The following SCHIP1 variants were observed in gnomAD, a reference collection of about 807,000 sequenced individuals.
SCHIP1 encodes the protein schwannomin-interacting protein 1.
SCHIP1 carries 8 observed loss-of-function variants against 29.7 expected under a neutral mutation model. The observed-to-expected ratio is 0.27, with a 90% CI of 0.16 to 0.49. The LOEUF (loss-of-function observed/expected upper bound fraction) is 0.49. SCHIP1 is among the 20% of genes least tolerant of loss of function. The pLI, the probability that SCHIP1 is intolerant of heterozygous loss-of-function variation, is 0.99. For missense variants in SCHIP1, 193 were observed against 294.6 expected, an observed-to-expected ratio of 0.66 and a Z score of 2.52; for synonymous variants, 76 against 94.9, an observed-to-expected ratio of 0.80 and a Z score of 1.16.
At chr3:159,764,571 G>T in the SCHIP1 span, 1 of 1,604,720 alleles carries the variant, frequency 6.2e-7, no homozygotes, top group Admixed American at 1.7e-5. The surrounding 1 kb of genome is among the most constrained non-coding windows in gnomAD (Gnocchi z 6.1). Context: ...CATCGTCGCC[G>T]GGGGGCAGCC....
the SCHIP1 span, among the ~76,000 whole-genome samples, chr3:159,589,538 C>G: frequency 3.2e-3 from 490 of 152,222 alleles, 1 homozygote; most frequent in African/African-American, 0.011. Context: ...CTGTCTTGTG[C>G]CAGTTTTCAA....
the SCHIP1 span, among the ~76,000 whole-genome samples, chr3:159,731,494 G>A: frequency 1.3e-4 from 20 of 152,210 alleles, no homozygotes; most frequent in African/African-American, 4.1e-4. Context: ...AGGACTGTGC[G>A]TGTTTATCTG....
chr3:159,683,884 T>C, the SCHIP1 span, among the ~76,000 whole-genome samples: 77 of 152,264 alleles, frequency 5.1e-4, no homozygotes, highest in African/African-American at 1.9e-3. Flanking sequence ...GCCCCTTCCC[T>C]GTCTGCAAAG....
chr3:159,851,839 A>G (rs1469439736), intron 1 of SCHIP1, among the ~76,000 whole-genome samples: 1 of 152,208 alleles, frequency 6.6e-6, no homozygotes, highest in Non-Finnish European at 1.5e-5. Context: ...GAAGGAGAGT[A>G]AGACAAGGGA....
chr3:159,399,842 A>G, the SCHIP1 span, among the ~76,000 whole-genome samples: 13 of 152,012 alleles, frequency 8.6e-5, no homozygotes, highest in Admixed American at 3.3e-4. Context: ...ATGCCCAACT[A>G]ATTTTTTAAA....
chr3:159,507,005 A>G, the SCHIP1 span, among the ~76,000 whole-genome samples: 7 of 152,338 alleles, frequency 4.6e-5, no homozygotes, highest in East Asian at 1.4e-3. Flanking sequence ...TCTGTGAACA[A>G]AGTCATTGGT....
the SCHIP1 span, among the ~76,000 whole-genome samples, chr3:159,528,611 C>T: frequency 6.6e-6 from 1 of 152,168 alleles, no homozygotes; most frequent in Non-Finnish European, 1.5e-5. Context: ...TGAAATCTCC[C>T]CCTCAAAGTT....
the SCHIP1 span, among the ~76,000 whole-genome samples, chr3:159,815,674 G>T: frequency 5.3e-5 from 8 of 152,128 alleles, no homozygotes; most frequent in Admixed American, 5.2e-4. Context: ...CTCAAGTGCA[G>T]TGTGTTCAAA....
the SCHIP1 span, among the ~76,000 whole-genome samples, chr3:159,609,253 TA>T: frequency 2.5e-4 from 38 of 151,980 alleles, no homozygotes; most frequent in African/African-American, 8.4e-4. Flanking sequence ...ACTAGGTGGG[TA>T]GGGGGGAAGC....
chr3:159,846,877 A>AT (rs34818406), intron 1 of SCHIP1, among the ~76,000 whole-genome samples: 98 of 149,402 alleles, frequency 6.6e-4, no homozygotes, highest in Non-Finnish European at 1.1e-3. Flanking sequence ...ATTTATATGC[A>AT]TTTTTTTTTT....
At chr3:159,425,206 G>A in the SCHIP1 span, among the ~76,000 whole-genome samples, 1 of 152,070 alleles carries the variant, frequency 6.6e-6, no homozygotes, top group Non-Finnish European at 1.5e-5. Context: ...AACTTTAAAT[G>A]TAAATGGCCT....
chr3:159,658,138 C>A, the SCHIP1 span, among the ~76,000 whole-genome samples: 3 of 152,314 alleles, frequency 2.0e-5, no homozygotes, highest in Admixed American at 6.5e-5. Flanking sequence ...CGTGTGAATT[C>A]ATTTCATAAA....
the SCHIP1 span, among the ~76,000 whole-genome samples, chr3:159,805,808 C>CT: frequency 0.028 from 3,887 of 139,140 alleles, 64 homozygotes; most frequent in East Asian, 0.035. Context: ...AATTGTACTC[C>CT]TTTTTTTTTT....
At chr3:159,883,320 T>G (rs2109403835) in intron 2 of SCHIP1, among the ~76,000 whole-genome samples, 1 of 152,314 alleles carries the variant, frequency 6.6e-6, no homozygotes, top group South Asian at 2.1e-4. Flanking sequence ...GCCTGAATTT[T>G]GCAAGACTGG....
At chr3:159,274,850 T>C in the SCHIP1 span, 2 of 585,322 alleles carry the variant, frequency 3.4e-6, no homozygotes, top group Non-Finnish European at 4.3e-6. Flanking sequence ...AAAATATATT[T>C]TTATATAATT....
rs1714338657 is a variant in SCHIP1, at chr3:159,863,980, A to G, written c.31-2183A>G. Among the ~76,000 whole-genome samples, 3 of 152,194 alleles carry G rather than the reference A, an allele frequency of 2.0e-5. No individual in the cohort carries two copies. The South Asian group carries it at 6.2e-4, about 31-fold the overall frequency. On this transcript the variant is annotated intron_variant, in intron 1 of 6. Transcript: ENST00000445224. ...GACCCTAGGCTAATGTCAGGCCAGC[A>G]TGTTGTTGAACATTAATCATTAAAA...
At chr3:159,531,106 T>A in the SCHIP1 span, among the ~76,000 whole-genome samples, 1 of 152,200 alleles carries the variant, frequency 6.6e-6, no homozygotes, top group African/African-American at 2.4e-5. Context: ...AACTTTATGA[T>A]AATGGAGGTT....
chr3:159,311,754 A>G, the SCHIP1 span, among the ~76,000 whole-genome samples: 1 of 152,168 alleles, frequency 6.6e-6, no homozygotes, highest in Non-Finnish European at 1.5e-5. Context: ...TAATAGGGAA[A>G]ATGCAACTTC....
chr3:159,837,604 T>C (rs1743790275), upstream of SCHIP1, among the ~76,000 whole-genome samples: 2 of 151,982 alleles, frequency 1.3e-5, no homozygotes, highest in Non-Finnish European at 2.9e-5. Flanking sequence ...GCCCCTGTAG[T>C]CCCGGCTACT....
Sources: allele counts gnomAD v4.1 joint callset (sites outside exome capture counted in the v4.1 genomes callset), GRCh38; gene constraint gnomAD v4.1.1; non-coding constraint Gnocchi (gnomAD v3.1); transcripts MANE v1.5; gene names NCBI Gene and HGNC (gene_info 2026-07-23, HGNC 2026-07-21).